Variants in COL28A1 observed in about 807,000 individuals in gnomAD.
COL28A1 encodes the protein collagen alpha-1(XXVIII) chain.
Under a neutral mutation model 150.2 loss-of-function variants are expected in COL28A1, and 161 were observed. That is an observed-to-expected ratio of 1.07 (90% CI 0.94 to 1.22). The LOEUF is 1.22. COL28A1 is among the 50% of genes most tolerant of loss of function. The pLI is 0.00. For missense variants in COL28A1, 1,617 were observed against 1,388.3 expected (o/e 1.16, Z -2.62); for synonymous variants, 552 against 469.7 (o/e 1.18, Z -2.26).
intron 11 of COL28A1, among the ~76,000 whole-genome samples, chr7:7,497,616 A>G (rs1780292080): frequency 6.6e-6 from 1 of 152,226 alleles, no homozygotes; most frequent in African/African-American, 2.4e-5. Flanking sequence ...ACTGCAGACT[A>G]AATTCATATC....
At chr7:7,369,002 C>T (rs562536182) in intron 33 of COL28A1, among the ~76,000 whole-genome samples, 2 of 152,334 alleles carry the variant, frequency 1.3e-5, no homozygotes, top group South Asian at 4.1e-4. Flanking sequence ...CACCATCTAT[C>T]ACAGCAGTTA....
At chr7:7,461,196 C>T (rs190621632) in intron 15 of COL28A1, among the ~76,000 whole-genome samples, 36 of 152,260 alleles carry the variant, frequency 2.4e-4, no homozygotes, top group African/African-American at 3.4e-4. Context: ...GAGAGCCAAG[C>T]GAAATACAGG....
chr7:7,517,987 CAA>C (rs67184564), intron 6 of COL28A1, 150 bp from the exon 7 acceptor site: 60,289 of 508,812 alleles, frequency 0.12, 2 homozygotes, highest in Non-Finnish European at 0.13. Context: ...GCAATCTAGG[CAA>C]AAAAAAAAAA....
At chr7:7,493,692 T>C (rs1009877676) in intron 11 of COL28A1, among the ~76,000 whole-genome samples, 6 of 152,142 alleles carry the variant, frequency 3.9e-5, no homozygotes, top group African/African-American at 1.2e-4. Context: ...CCTACAGAGA[T>C]TCCTGAGGTA....
chr7:7,518,971 T>C (rs893745462), intron 6 of COL28A1, among the ~76,000 whole-genome samples: 1 of 152,232 alleles, frequency 6.6e-6, no homozygotes, highest in South Asian at 2.1e-4. Context: ...CAGTGTACTG[T>C]AGAAATTAAC....
chr7:7,474,181 A>G (rs1788687092), intron 15 of COL28A1, among the ~76,000 whole-genome samples: 1 of 151,472 alleles, frequency 6.6e-6, no homozygotes, highest in African/African-American at 2.4e-5. Flanking sequence ...TAAGTGAAGT[A>G]ACTCAGAAAT....
chr7:7,357,056 TG>T (rs1013800877), downstream of COL28A1: 2 of 152,216 alleles, frequency 1.3e-5, no homozygotes, highest in Admixed American at 6.5e-5. Flanking sequence ...TTTTTGTTTT[TG>T]TTTTTGTTTT....
chr7:7,374,166 C>CGG (rs1369200042), intron 31 of COL28A1, among the ~76,000 whole-genome samples: 1 of 151,216 alleles, frequency 6.6e-6, no homozygotes, highest in African/African-American at 2.4e-5. Flanking sequence ...CTGTGGATGC[C>CGG]GTCCCAATAA....
At chr7:7,489,915 T>A (rs1193776092) in intron 12 of COL28A1, among the ~76,000 whole-genome samples, 2 of 152,184 alleles carry the variant, frequency 1.3e-5, no homozygotes, top group African/African-American at 2.4e-5. Flanking sequence ...CAGCATAAAC[T>A]CCACCTTTCC....
At chr7:7,456,215 T>C (rs1291428698) in intron 15 of COL28A1, 103 bp from the exon 16 acceptor site, 1 of 1,376,954 alleles carries the variant, frequency 7.3e-7, no homozygotes, top group African/African-American at 1.5e-5. Flanking sequence ...ATCTTTATAC[T>C]ATAAAAAAAA....
chr7:7,466,541 T>A (rs1357672442), intron 15 of COL28A1, among the ~76,000 whole-genome samples: 1 of 93,016 alleles, frequency 1.1e-5, no homozygotes, highest in East Asian at 2.6e-4. Flanking sequence ...TGCAGGATAT[T>A]ATCCAGGAGA....
At chr7:7,520,307 T>C (rs1781648525) in intron 5 of COL28A1, among the ~76,000 whole-genome samples, 192 bp from the exon 6 acceptor site, 1 of 152,202 alleles carries the variant, frequency 6.6e-6, no homozygotes, top group Non-Finnish European at 1.5e-5. Flanking sequence ...TGGCAGATTT[T>C]CTAGATTTGC....
At chr7:7,496,230 C>T (rs970064193) in intron 11 of COL28A1, among the ~76,000 whole-genome samples, 2 of 152,212 alleles carry the variant, frequency 1.3e-5, no homozygotes, top group African/African-American at 4.8e-5. Context: ...CTCCTCCCCA[C>T]TAGACTGTGG....
At chr7:7,452,227 C>T (rs1450657996) in intron 18 of COL28A1, 92 bp downstream of exon 18, 2 of 1,528,280 alleles carry the variant, frequency 1.3e-6, no homozygotes, top group African/African-American at 2.9e-5. Flanking sequence ...TTAGATAACA[C>T]ACACAGAGTC....
At chr7:7,362,835 G>C (rs1454149555) in intron 33 of COL28A1, among the ~76,000 whole-genome samples, 1 of 152,140 alleles carries the variant, frequency 6.6e-6, no homozygotes, top group Non-Finnish European at 1.5e-5. Context: ...TTTAAAGCTA[G>C]AGGAAAACTT....
chr7:7,533,866 T>G (rs887132682), intron 1 of COL28A1, among the ~76,000 whole-genome samples: 2 of 152,162 alleles, frequency 1.3e-5, no homozygotes, highest in African/African-American at 4.8e-5. Flanking sequence ...AATCAATACT[T>G]AGTATGGCTT....
At chr7:7,423,312 C>T (rs1784478597) in intron 25 of COL28A1, among the ~76,000 whole-genome samples, 1 of 152,132 alleles carries the variant, frequency 6.6e-6, no homozygotes, top group Non-Finnish European at 1.5e-5. Flanking sequence ...ACTAGTCTTT[C>T]CACTTTTGTG....
At chr7:7,498,228 A>C (rs1196141997) in intron 11 of COL28A1, among the ~76,000 whole-genome samples, 2 of 152,248 alleles carry the variant, frequency 1.3e-5, no homozygotes, top group African/African-American at 4.8e-5. Flanking sequence ...GAGAAAATGC[A>C]AGTCATTTTC....
rs899760238 is a variant in COL28A1, at chr7:7,532,967, T to C, written c.-37-55A>G. 1.4e-5 allele frequency: 19 copies of C among 1,390,900 alleles called. No homozygotes were observed. The African/African-American group carries it at 2.3e-4, about 17-fold the overall frequency. 86.2% of individuals were successfully genotyped at this position (1,390,900 alleles called of 1,614,324 possible). A position where few individuals can be genotyped will look rare whatever the true frequency, so the allele number is the denominator to read the frequency against. The stretch of plus-strand genomic sequence containing the variant: ...TTAATAAAATATGGTGTTTGTTATT[T>C]TTAAATTTCAAGCCAGCAGGGTTGA... On this transcript the variant is annotated intron_variant, in intron 1 of 34. Transcript: ENST00000399429.
Sources: gnomAD v4.1 joint callset for allele counts (sites outside exome capture counted in the v4.1 genomes callset) on GRCh38, gnomAD v4.1.1 for gene constraint, MANE v1.5 for transcripts, NCBI Gene and HGNC (gene_info 2026-07-23, HGNC 2026-07-21) for gene names.